SYNPR: variants seen among roughly 807,000 people sequenced by gnomAD.
The protein encoded by SYNPR is synaptoporin.
Under a neutral mutation model 32.9 loss-of-function variants are expected in SYNPR, and 23 were observed. The ratio of observed to expected loss-of-function variants is 0.70; its 90% CI spans 0.50 to 0.99. The LOEUF (loss-of-function observed/expected upper bound fraction) is 0.99. Ranked by LOEUF, SYNPR falls within the 50% of genes least tolerant of loss-of-function variation. SYNPR has a pLI of 0.00. For synonymous variants in SYNPR, 146 were observed against 135.9 expected (o/e 1.07, Z -0.52); for missense variants, 318 against 349.3 (o/e 0.91, Z 0.71).
intron 2 of SYNPR, among the ~76,000 whole-genome samples, chr3:63,441,357 TACTC>T (rs1313156011): frequency 2.6e-5 from 4 of 152,204 alleles, no homozygotes; most frequent in Non-Finnish European, 4.4e-5. Context: ...CAATGAGAAT[TACTC>T]ACTGGGCTCC....
intron 1 of SYNPR, among the ~76,000 whole-genome samples, chr3:63,251,641 C>CA (rs1194940732): frequency 8.5e-5 from 13 of 152,110 alleles, no homozygotes; most frequent in African/African-American, 3.1e-4. Context: ...GCAACGTAGA[C>CA]ATATCAAAGA....
chr3:63,451,779 G>A (rs1182319998), intron 2 of SYNPR, among the ~76,000 whole-genome samples: 1 of 152,066 alleles, frequency 6.6e-6, no homozygotes, highest in Non-Finnish European at 1.5e-5. Flanking sequence ...TTTCTCATTA[G>A]CCCCCACTAT....
At chr3:63,238,244 C>CAGTTGG (rs1169774515) in intron 1 of SYNPR, among the ~76,000 whole-genome samples, 12 of 152,044 alleles carry the variant, frequency 7.9e-5, no homozygotes, top group African/African-American at 2.9e-4. Flanking sequence ...TAGTTGTGCA[C>CAGTTGG]AGTTGGAGAG....
intron 3 of SYNPR, among the ~76,000 whole-genome samples, chr3:63,531,098 G>C (rs1702105272): frequency 6.6e-6 from 1 of 152,160 alleles, no homozygotes; most frequent in African/African-American, 2.4e-5. Flanking sequence ...TTAAGGTGTG[G>C]TGAAGAGGAG....
rs527852330 is a variant in SYNPR at position 63,485,495 on chromosome 3, TA to T, written c.209+4543del. 2.6e-5 allele frequency among the ~76,000 whole-genome samples: 4 copies of T among 152,260 alleles called. No individual in the cohort carries two copies. The South Asian group carries it at 8.3e-4, about 32-fold the overall frequency. Reference sequence around the variant, plus strand: ...ATCGAATATAGTTAATGGTGGTTATTAAAAGCTTTCATGGGACATTTCAGTT... The same window carrying T: ...ATCGAATATAGTTAATGGTGGTTATTAAAGCTTTCATGGGACATTTCAGTT... On this transcript the variant is annotated intron_variant, in intron 3 of 5. Transcript: ENST00000478300.
chr3:63,535,284 G>T (rs1702181937), intron 3 of SYNPR, among the ~76,000 whole-genome samples: 1 of 152,118 alleles, frequency 6.6e-6, no homozygotes, highest in South Asian at 2.1e-4. Context: ...AATTTATATT[G>T]TGATACTAAA....
At chr3:63,493,826 A>AAAAT (rs1166439297) in intron 3 of SYNPR, among the ~76,000 whole-genome samples, 1 of 151,056 alleles carries the variant, frequency 6.6e-6, no homozygotes, top group African/African-American at 2.4e-5. Flanking sequence ...AAAAAAAAAA[A>AAAAT]AAAAAAAAAA....
chr3:63,225,179 G>A (rs907255410), upstream of SYNPR, among the ~76,000 whole-genome samples: 1 of 152,192 alleles, frequency 6.6e-6, no homozygotes, highest in African/African-American at 2.4e-5. Context: ...AGGGAGTGAC[G>A]GAAGCAGGGA....
At chr3:63,242,728 G>A (rs2086257687) in intron 1 of SYNPR, among the ~76,000 whole-genome samples, 1 of 152,028 alleles carries the variant, frequency 6.6e-6, no homozygotes, top group African/African-American at 2.4e-5. Flanking sequence ...GCTGGATGAG[G>A]AGTGAAATGC....
At chr3:63,459,287 C>T (rs569727981) in intron 2 of SYNPR, among the ~76,000 whole-genome samples, 5 of 152,172 alleles carry the variant, frequency 3.3e-5, no homozygotes, top group African/African-American at 9.6e-5. Context: ...ATAATTGCTT[C>T]TATGCCTTTA....
chr3:63,478,375 T>C (rs1011006910), intron 2 of SYNPR, among the ~76,000 whole-genome samples: 3 of 152,192 alleles, frequency 2.0e-5, no homozygotes, highest in Non-Finnish European at 4.4e-5. Context: ...CATTTTAACG[T>C]CTCAAGGATT....
At chr3:63,263,687 A>C (rs1272636240) in intron 2 of SYNPR, among the ~76,000 whole-genome samples, 1 of 152,184 alleles carries the variant, frequency 6.6e-6, no homozygotes, top group Non-Finnish European at 1.5e-5. Context: ...GCTGAGGGCA[A>C]GGGCACCAGA....
intron 3 of SYNPR, among the ~76,000 whole-genome samples, chr3:63,539,167 T>C (rs912547497): frequency 6.6e-6 from 1 of 152,186 alleles, no homozygotes; most frequent in African/African-American, 2.4e-5. Context: ...GAAAAAAATA[T>C]ACAACTTTGT....
At chr3:63,265,747 T>C (rs1039994348) in intron 2 of SYNPR, among the ~76,000 whole-genome samples, 1 of 152,240 alleles carries the variant, frequency 6.6e-6, no homozygotes, top group Non-Finnish European at 1.5e-5. Context: ...TATTCATCAC[T>C]AGACTTTCAC....
At chr3:63,231,111 C>G (rs901394104) in intron 1 of SYNPR, among the ~76,000 whole-genome samples, 2 of 152,096 alleles carry the variant, frequency 1.3e-5, no homozygotes, top group African/African-American at 2.4e-5. Flanking sequence ...GCCCATCGAC[C>G]AACAAGTGGA....
intron 2 of SYNPR, among the ~76,000 whole-genome samples, chr3:63,393,872 T>C (rs1184598340): frequency 6.6e-6 from 1 of 152,188 alleles, no homozygotes; most frequent in Non-Finnish European, 1.5e-5. Context: ...GAATAATAAA[T>C]GGTATTCTCT....
chr3:63,510,130 A>G (rs1317513584), intron 3 of SYNPR, among the ~76,000 whole-genome samples: 1 of 152,050 alleles, frequency 6.6e-6, no homozygotes, highest in Non-Finnish European at 1.5e-5. Flanking sequence ...ATAAGGGGGG[A>G]ACAAAAATTA....
chr3:63,605,578 A>G (rs1700106007), intron 4 of SYNPR, among the ~76,000 whole-genome samples: 1 of 152,252 alleles, frequency 6.6e-6, no homozygotes, highest in African/African-American at 2.4e-5. Context: ...TGAACATCAT[A>G]GGCAAAAATC....
At chr3:63,604,851 G>A (rs1209325795) in intron 4 of SYNPR, among the ~76,000 whole-genome samples, 1 of 152,304 alleles carries the variant, frequency 6.6e-6, no homozygotes, top group East Asian at 1.9e-4. Context: ...CCATTGGCCA[G>A]TGCCTTGATT....
Sources: allele counts gnomAD v4.1 joint callset (sites outside exome capture counted in the v4.1 genomes callset), GRCh38; gene constraint gnomAD v4.1.1; transcripts MANE v1.5; gene names NCBI Gene and HGNC (gene_info 2026-07-23, HGNC 2026-07-21).